CNGB1: variants seen among roughly 807,000 people sequenced by gnomAD.
CNGB1 encodes cyclic nucleotide gated channel subunit beta 1.
In CNGB1, 126 loss-of-function variants were observed where a neutral mutation model predicts 151.7. The observed-to-expected ratio is 0.83, with a 90% CI of 0.72 to 0.96. The LOEUF is 0.96. Among genes scored for constraint, CNGB1 ranks in the 40% least tolerant of loss-of-function variants. CNGB1 has a pLI of 0.00. For missense variants in CNGB1, 1,698 were observed against 1,627.0 expected (o/e 1.04, Z -0.75); for synonymous variants, 623 against 635.1 (o/e 0.98, Z 0.29).
rs1170917877 is a variant in CNGB1, at chr16:57,931,882, G to A, written c.1373-4C>T. ...GGGTGCTGTTTCGTGGCAGGCACTG[G>A]GGGAGAGGAAGGAGAGGAGAAAGTC... On this transcript the variant is annotated splice_region_variant and splice_polypyrimidine_tract_variant and intron_variant, in intron 16 of 32. Transcript: ENST00000251102. 6 of 1,613,984 alleles carry A rather than the reference G, an allele frequency of 3.7e-6. No homozygotes were observed. In the South Asian group the frequency reaches 6.6e-5, roughly 18 times the overall value.
At chr16:57,910,814 G>T (rs1960690706) in intron 25 of CNGB1, among the ~76,000 whole-genome samples, 1 of 150,634 alleles carries the variant, frequency 6.6e-6, no homozygotes, top group Non-Finnish European at 1.5e-5. Context: ...GATGTATCCT[G>T]TCCCGCTAAA....
chr16:57,911,583 C>T (rs1458986030), intron 25 of CNGB1, among the ~76,000 whole-genome samples, 170 bp downstream of exon 25: 3 of 152,232 alleles, frequency 2.0e-5, no homozygotes, highest in African/African-American at 7.2e-5. Context: ...GCCACCACAC[C>T]CGGCCCAAGA....
rs1214991246 is a variant in CNGB1, at chr16:57,962,763, C to G, written c.412+79G>C. 8.8e-6 allele frequency: 14 copies of G among 1,594,556 alleles called. No homozygotes were observed. The East Asian group carries it at 2.5e-4, about 28-fold the overall frequency. On this transcript the variant is annotated intron_variant, in intron 6 of 32. Transcript: ENST00000251102. Reference sequence around the variant, plus strand: ...AAGATCCAGCCTGGGCAGAGGCTCCCAAGGGGCAGGGCCCATCCCAGCAGC... The same window carrying G: ...AAGATCCAGCCTGGGCAGAGGCTCCGAAGGGGCAGGGCCCATCCCAGCAGC...
chr16:57,932,938 C>T (rs1423476782), intron 16 of CNGB1, among the ~76,000 whole-genome samples: 2 of 141,346 alleles, frequency 1.4e-5, no homozygotes, highest in Non-Finnish European at 3.1e-5. Context: ...GAAGGGGGGG[C>T]GGGTCTCACT....
At chr16:57,917,787 C>A (rs1401589177) in intron 20 of CNGB1, among the ~76,000 whole-genome samples, 5 of 141,174 alleles carry the variant, frequency 3.5e-5, no homozygotes, top group Admixed American at 7.2e-5. Context: ...CATAGCAAGA[C>A]CCCCATCTCT....
chr16:57,928,108 C>T (rs1179118939), intron 17 of CNGB1, among the ~76,000 whole-genome samples: 1 of 152,236 alleles, frequency 6.6e-6, no homozygotes, highest in Non-Finnish European at 1.5e-5. Context: ...TTACAGACAG[C>T]CTCCCTTAGC....
intron 4 of CNGB1, chr16:57,963,854 G>A (rs1962323491): frequency 1.9e-6 from 1 of 530,688 alleles, no homozygotes; most frequent in Non-Finnish European, 3.4e-6. Context: ...ATGAATGAAT[G>A]AGTGAAGGAA....
chr16:57,934,889 G>T (rs1406186748), intron 16 of CNGB1, among the ~76,000 whole-genome samples: 1 of 151,602 alleles, frequency 6.6e-6, no homozygotes. Context: ...CCCGGGAGGC[G>T]GAGCTTGCAG....
intron 20 of CNGB1, among the ~76,000 whole-genome samples, chr16:57,917,801 TAA>T (rs11284883): frequency 2.7e-5 from 4 of 146,428 alleles, no homozygotes; most frequent in South Asian, 2.1e-4. Flanking sequence ...CATCTCTACT[TAA>T]AAAAAAAAAC....
At chr16:57,967,011 T>A in intron 2 of CNGB1, 117 bp downstream of exon 2, 2 of 1,483,902 alleles carry the variant, frequency 1.3e-6, no homozygotes, top group Non-Finnish European at 1.9e-6. Flanking sequence ...GACCCCCACT[T>A]TTCCTTCTGA....
Position 57,916,191 on chromosome 16 carries a change from G to A in CNGB1, c.2167-12C>T, listed in dbSNP as rs772769638. 4.3e-6 allele frequency: 7 copies of A among 1,612,754 alleles called. No individual in the cohort carries two copies. Among genetic ancestry groups the A allele is most frequent in the Non-Finnish European group, 5.9e-6 (7 of 1,178,766 alleles). On this transcript the variant is annotated splice_polypyrimidine_tract_variant and intron_variant, in intron 21 of 32. Coordinates refer to ENST00000251102, the MANE Select transcript of CNGB1 (RefSeq NM_001297.5). ...TCCTTTTTGTCCGTCTGAAAGAAAG[G>A]GAATGATGATGGTGAAATGACCTTA...
At chr16:57,960,776 C>A (rs1326929337) in intron 8 of CNGB1, 64 bp downstream of exon 8, 44 of 1,541,784 alleles carry the variant, frequency 2.9e-5, no homozygotes, top group Middle Eastern at 1.7e-4. Flanking sequence ...GGAGGCAGTC[C>A]CTCCTGGGGC....
At chr16:57,958,361 ACC>A in intron 11 of CNGB1, 47 bp downstream of exon 11, 1 of 1,230,784 alleles carries the variant, frequency 8.1e-7, no homozygotes, top group South Asian at 1.3e-5. Flanking sequence ...AGTTCCCAAG[ACC>A]CCTCCCACCA....
chr16:57,931,683 C>T (rs568898524), intron 17 of CNGB1, 33 bp downstream of exon 17: 27 of 1,612,072 alleles, frequency 1.7e-5, no homozygotes, highest in Middle Eastern at 1.6e-4. Context: ...GGCACAGTGC[C>T]GAGAAAAGCC....
chr16:57,901,493 C>T, intron 28 of CNGB1, 35 bp downstream of exon 28: 2 of 1,613,090 alleles, frequency 1.2e-6, no homozygotes, highest in Non-Finnish European at 1.7e-6. Flanking sequence ...TGGAGCCTCC[C>T]ACAGCCCTGA....
chr16:57,928,594 G>C (rs879515599), intron 17 of CNGB1, among the ~76,000 whole-genome samples: 7 of 152,126 alleles, frequency 4.6e-5, no homozygotes, highest in African/African-American at 1.2e-4. Context: ...GATTGTAGAT[G>C]ATTATTTTTC....
chr16:57,912,315 G>A (rs535801011), intron 24 of CNGB1, among the ~76,000 whole-genome samples: 2 of 152,162 alleles, frequency 1.3e-5, no homozygotes, highest in African/African-American at 4.8e-5. Flanking sequence ...GAGCTGGCTG[G>A]GGGCTCCAGT....
intron 13 of CNGB1, among the ~76,000 whole-genome samples, chr16:57,950,156 A>G (rs1961912048): frequency 2.0e-5 from 3 of 152,188 alleles, no homozygotes; most frequent in Admixed American, 2.0e-4. Flanking sequence ...GTACAAAAAG[A>G]AAAAAGGAGG....
chr16:57,965,790 C>G (rs1394562384), intron 2 of CNGB1, among the ~76,000 whole-genome samples: 2 of 152,164 alleles, frequency 1.3e-5, no homozygotes. Context: ...CACAGACATA[C>G]TAATACATGT....
Sources: gnomAD v4.1 joint callset for allele counts (sites outside exome capture counted in the v4.1 genomes callset) on GRCh38, gnomAD v4.1.1 for gene constraint, MANE v1.5 for transcripts, NCBI Gene and HGNC (gene_info 2026-07-23, HGNC 2026-07-21) for gene names.